Variants in MME observed in about 807,000 individuals in gnomAD.
The protein encoded by MME is membrane metalloendopeptidase.
Under a neutral mutation model 113.2 loss-of-function variants are expected in MME, and 98 were observed. That is an observed-to-expected ratio of 0.87 (90% CI 0.74 to 1.02). MME has a LOEUF of 1.02. MME is among the 50% of genes least tolerant of loss of function. MME has a pLI of 0.00. For missense variants in MME, 836 were observed against 896.0 expected (o/e 0.93, Z 0.86); for synonymous variants, 292 against 300.6 (o/e 0.97, Z 0.30).
At chr3:155,070,285 A>G (rs1714510144) in intron 1 of MME, among the ~76,000 whole-genome samples, 2 of 152,166 alleles carry the variant, frequency 1.3e-5, no homozygotes, top group African/African-American at 4.8e-5. Context: ...ACTTGAAAAG[A>G]TTTCTTACAT....
intron 3 of MME, among the ~76,000 whole-genome samples, chr3:155,092,815 G>C (rs1716405083): frequency 6.6e-6 from 1 of 152,166 alleles, no homozygotes; most frequent in Admixed American, 6.5e-5. Context: ...TATAGGGGCA[G>C]AAGACAAATA....
chr3:155,172,243 A>G, intron 21 of MME, 31 bp downstream of exon 21: 1 of 1,424,124 alleles, frequency 7.0e-7, no homozygotes. Context: ...GATAGATATG[A>G]AAACCATTTT....
chr3:155,108,215 G>A, intron 3 of MME, among the ~76,000 whole-genome samples: 1 of 152,120 alleles, frequency 6.6e-6, no homozygotes, highest in East Asian at 1.9e-4. Context: ...TAAATAACTA[G>A]AATAAACCAC....
At chr3:155,089,977 C>T (rs1416938170) in intron 3 of MME, 1 of 331,892 alleles carries the variant, frequency 3.0e-6, no homozygotes, top group East Asian at 7.7e-5. Flanking sequence ...AAGAAAAAGA[C>T]AACAGAGAAT....
At chr3:155,140,350 A>G (rs1309867409) in intron 10 of MME, 58 bp downstream of exon 10, 8 of 1,050,350 alleles carry the variant, frequency 7.6e-6, no homozygotes, top group Middle Eastern at 2.1e-4. Context: ...TATAACATTG[A>G]AATACTCTTT....
chr3:155,156,979 G>T (rs1722364604), intron 16 of MME, among the ~76,000 whole-genome samples: 1 of 151,948 alleles, frequency 6.6e-6, no homozygotes, highest in Non-Finnish European at 1.5e-5. Context: ...TTTCTTCCCA[G>T]CTATAAAAAT....
chr3:155,061,368 G>A (rs992823421), intron 1 of MME, among the ~76,000 whole-genome samples: 1 of 150,350 alleles, frequency 6.7e-6, no homozygotes, highest in Non-Finnish European at 1.5e-5. Flanking sequence ...GGAGAATGGC[G>A]TGAACCAGGG....
At chr3:155,126,293 G>A (rs1719648184) in intron 8 of MME, among the ~76,000 whole-genome samples, 1 of 151,890 alleles carries the variant, frequency 6.6e-6, no homozygotes, top group African/African-American at 2.4e-5. Flanking sequence ...TTCATATTTA[G>A]GATTGTGTTC....
chr3:155,070,891 T>C (rs1714528456), intron 1 of MME, among the ~76,000 whole-genome samples: 2 of 152,274 alleles, frequency 1.3e-5, no homozygotes, highest in South Asian at 2.1e-4. Flanking sequence ...GATGTCCCCC[T>C]GAGAAAAATC....
chr3:155,036,887 C>A (rs1312105917), intron 1 of MME, among the ~76,000 whole-genome samples: 1 of 152,096 alleles, frequency 6.6e-6, no homozygotes, highest in Non-Finnish European at 1.5e-5. Context: ...TTAAGTTTAG[C>A]TCTATGATTC....
At chr3:155,167,297 C>T (rs550065837) in intron 18 of MME, among the ~76,000 whole-genome samples, 13 of 152,090 alleles carry the variant, frequency 8.5e-5, no homozygotes, top group Non-Finnish European at 1.9e-4. Flanking sequence ...AGTGATAATA[C>T]TAGGTCTTAG....
Position 155,148,614 on chromosome 3 carries a change from A to G in MME, c.1562A>G (p.Lys521Arg). The part of the protein sequence containing the change: ...IIQNLKFSQS[K>R]QLKKLREKVD... ...CAAAATTTGAAATTCAGCCAAAGTA[A>G]ACAACTGAAGAAGCTCCGAGAAAAG... Residue 521 changes from lysine (K) to arginine (R), a missense_variant, in exon 16 of 23, where the codon AAA becomes AGA. Physicochemically the swap from Lys to Arg is conservative, Grantham distance 26. Coordinates refer to ENST00000360490, the MANE Select transcript of MME (RefSeq NM_007289.4). 1 of 1,613,070 alleles carries G rather than the reference A, an allele frequency of 6.2e-7. No homozygotes were observed. The highest frequency in any genetic ancestry group is 1.1e-5 in the South Asian group (1 of 91,054).
intron 3 of MME, chr3:155,112,225 T>A (rs1354024339): frequency 6.6e-6 from 1 of 152,224 alleles, no homozygotes; most frequent in Non-Finnish European, 1.5e-5. Flanking sequence ...ATGAATATGT[T>A]GTGAGCTGAT....
rs755938090 is a variant in MME, at chr3:155,141,943, G to A, written c.958-48G>A. ...AACTATAACTGAATCTTGGACCCAA[G>A]AAGAGAAATCCACAATTTCTGAATG... On this transcript the variant is annotated intron_variant, in intron 10 of 22. Transcript: ENST00000360490. 20 of 1,609,800 alleles carry A rather than the reference G, an allele frequency of 1.2e-5. No individual in the cohort carries two copies. In the South Asian group the frequency reaches 2.2e-4, roughly 18 times the overall value.
chr3:155,052,557 GC>G (rs1713797030), intron 1 of MME, among the ~76,000 whole-genome samples: 2 of 152,366 alleles, frequency 1.3e-5, no homozygotes, highest in African/African-American at 4.8e-5. Flanking sequence ...CTGTATCTTG[GC>G]CCCTTTTAGC....
At position 155,097,615 on chromosome 3, in the gene MME, G is replaced by A. The variant is rs574296596; in HGVS notation, c.196+12521G>A. 9.2e-5 allele frequency among the ~76,000 whole-genome samples: 14 copies of A among 152,256 alleles called. No individual in the cohort carries two copies. The South Asian group carries it at 2.7e-3, about 29-fold the overall frequency. On this transcript the variant is annotated intron_variant, in intron 3 of 22. Transcript: ENST00000360490. ...AGAGAAAAGAATATAGGATGATTCC[G>A]AGATAAAGGATGGCCTCCTCCTCCC...
At chr3:155,136,207 C>T (rs991508859) in intron 8 of MME, among the ~76,000 whole-genome samples, 1 of 152,054 alleles carries the variant, frequency 6.6e-6, no homozygotes, top group Admixed American at 6.6e-5. Context: ...GAATGGACGT[C>T]TTTGTCGTGT....
At chr3:155,130,055 G>A (rs1720018231) in intron 8 of MME, among the ~76,000 whole-genome samples, 1 of 152,172 alleles carries the variant, frequency 6.6e-6, no homozygotes, top group African/African-American at 2.4e-5. Context: ...CTTTTCAAGA[G>A]CAATTGTTAT....
chr3:155,166,369 G>T (rs1202024102), intron 17 of MME, among the ~76,000 whole-genome samples: 3 of 152,086 alleles, frequency 2.0e-5, no homozygotes, highest in African/African-American at 7.2e-5. Context: ...TGAAAATAAG[G>T]TAAGGTTATG....
Sources: allele counts gnomAD v4.1 joint callset (sites outside exome capture counted in the v4.1 genomes callset), GRCh38; gene constraint gnomAD v4.1.1; transcripts MANE v1.5; gene names NCBI Gene and HGNC (gene_info 2026-07-23, HGNC 2026-07-21).